Variants in GRIN1 observed in about 807,000 individuals in gnomAD.
GRIN1 encodes the protein glutamate ionotropic receptor NMDA type subunit 1, also known as glutamate receptor ionotropic, NMDA 1.
GRIN1 carries 38 observed loss-of-function variants against 103.0 expected under a neutral mutation model. The observed-to-expected ratio is 0.37, with a 90% CI of 0.28 to 0.48. The LOEUF (loss-of-function observed/expected upper bound fraction) is 0.48. Among genes scored for constraint, GRIN1 ranks in the 20% least tolerant of loss-of-function variants. GRIN1 has a pLI of 0.98. For missense variants in GRIN1, 577 were observed against 1,288.9 expected, an observed-to-expected ratio of 0.45 and a Z score of 8.46; for synonymous variants, 544 against 532.7, an observed-to-expected ratio of 1.02 and a Z score of -0.29.
At chr9:137,163,944 C>A in intron 18 of GRIN1, 40 bp downstream of exon 18, 1 of 1,606,576 alleles carries the variant, frequency 6.2e-7, no homozygotes, top group Non-Finnish European at 8.5e-7. Flanking sequence ...GCCCAGGGCC[C>A]GGCCTGGCCA....
At chr9:137,164,324 G>C (rs1833742986) in intron 18 of GRIN1, 2 of 311,284 alleles carry the variant, frequency 6.4e-6, no homozygotes, top group South Asian at 2.8e-5. Flanking sequence ...TTCCTGCTAT[G>C]TCCTTGTGCT....
chr9:137,149,078 C>G lies in GRIN1; in HGVS notation c.640C>G (p.Leu214Val). 1 of 1,612,684 alleles carries G rather than the reference C, an allele frequency of 6.2e-7. No individual in the cohort carries two copies. The highest frequency in any genetic ancestry group is 8.5e-7 in the Non-Finnish European group (1 of 1,179,128). ...VTALLMEAKELEARVIILSAS... is the reference protein window; with the variant it reads ...VTALLMEAKEVEARVIILSAS... ...GGCCCTGCTGATGGAGGCGAAAGAG[C>G]TGGAGGCCCGGGTCATCATCCTTTC... The change falls in exon 4 of 20, where the codon CTG becomes GTG. Residue 214 changes from leucine (L) to valine (V), a missense_variant. Physicochemically the swap from Leu to Val is conservative, Grantham distance 32. This residue lies in a region of GRIN1 where 308 missense variants were observed against 553.6 expected (regional missense o/e 0.56). Coordinates refer to ENST00000371561, the MANE Select transcript of GRIN1 (RefSeq NM_007327.4).
In GRIN1 at chr9:137,162,040, G is replaced by A. The variant is rs116006955; in HGVS notation, c.1584G>A (p.Glu528=). ...TINNERAQYI[E]FSKPFKYQGL... is the part of the protein sequence containing the mutation. Reference sequence around the variant, plus strand: ...ACAACGAGCGCGCGCAGTACATCGAGTTTTCCAAGCCCTTCAAGTACCAGG... The same window carrying A: ...ACAACGAGCGCGCGCAGTACATCGAATTTTCCAAGCCCTTCAAGTACCAGG... The change falls in exon 11 of 20, where the codon GAG becomes GAA. Residue 528 remains glutamate (E), a synonymous_variant. Transcript: ENST00000371561. 8.9e-4 allele frequency: 1,288 copies of A among 1,448,032 alleles called. 13 individuals carry two copies. The African/African-American group carries it at 0.017, about 19-fold the overall frequency. The allele number at this position is 1,448,032 out of a possible 1,614,324, so 89.7% of individuals were successfully genotyped here. A position where few individuals can be genotyped will look rare whatever the true frequency, so the allele number is the denominator to read the frequency against.
rs370626502 is a variant in GRIN1 at position 137,168,456 on chromosome 9, C to G, written c.*929C>G. On this transcript the variant is annotated 3_prime_UTR_variant, in exon 20 of 20. Coordinates refer to ENST00000371561, the MANE Select transcript of GRIN1 (RefSeq NM_007327.4). The stretch of plus-strand genomic sequence containing the variant: ...CTGAGCCCCTCCTCTCCTCGTCCGG[C>G]CTGCAGCCCAGAACGGGCCTCCCCG... The G allele has an allele frequency of 6.4e-5, 12 of 188,884 alleles. No individual in the cohort carries two copies. The highest frequency in any genetic ancestry group is 2.1e-4 in the African/African-American group (9 of 42,532). 11.7% of individuals were successfully genotyped at this position (188,884 alleles called of 1,614,324 possible).
intron 1 of GRIN1, among the ~76,000 whole-genome samples, chr9:137,140,089 C>T (rs981499323): frequency 4.6e-5 from 7 of 152,294 alleles, no homozygotes; most frequent in Admixed American, 3.3e-4. Context: ...CAGCTACATG[C>T]CCGCCCTGCA....
intron 18 of GRIN1, chr9:137,164,201 A>G (rs1275313132): frequency 4.2e-6 from 2 of 471,768 alleles, no homozygotes; most frequent in Admixed American, 6.7e-5. Flanking sequence ...TTCCATAGGA[A>G]GGCAATCAGG....
In GRIN1 at chr9:137,163,268, C is replaced by T. The variant is rs777511816; in HGVS notation, c.2271C>T (p.Gly757=). The change falls in exon 16 of 20, where the codon GGC becomes GGT. Residue 757 remains glycine, a synonymous_variant. Coordinates refer to ENST00000371561, the MANE Select transcript of GRIN1 (RefSeq NM_007327.4). ...CTGGAGAGCTGTTTTTCCGCTCGGG[C>T]TTCGGCATAGGCATGCGCAAAGACA... ...VTTGELFFRS[G]FGIGMRKDSP... 2 of 1,613,810 alleles carry T rather than the reference C, an allele frequency of 1.2e-6. No individual in the cohort carries two copies. The highest frequency in any genetic ancestry group is 1.6e-4 in the Middle Eastern group (1 of 6,062).
chr9:137,139,706 A>G lies in GRIN1; in HGVS notation c.220A>G (p.Met74Val). The G allele has an allele frequency of 1.9e-6, 3 of 1,613,864 alleles. No individual in the cohort carries two copies. The highest frequency in any genetic ancestry group is 2.5e-6 in the Non-Finnish European group (3 of 1,179,962). Residue 74 changes from methionine (M) to valine (V), a missense_variant, in exon 1 of 20, where the codon ATG becomes GTG. Physicochemically the swap from Met to Val is conservative, Grantham distance 21 (BLOSUM62 1). Around this residue, in one of 9 missense-constraint regions of GRIN1, gnomAD observed 308 missense variants for 553.6 expected, o/e 0.56. Coordinates refer to ENST00000371561, the MANE Select transcript of GRIN1 (RefSeq NM_007327.4). This position sits in a 1 kb window ranked among gnomAD's most constrained non-coding sequence, Gnocchi z 7.7. ...CACGCACAAGCCCAACGCCATCCAG[A>G]TGGCTCTGTCGGTGTGCGAGGACCT... Reference protein sequence around the residue: ...SVTHKPNAIQMALSVCEDLIS... With the variant: ...SVTHKPNAIQVALSVCEDLIS...
chr9:137,165,149 C>A, intron 18 of GRIN1, 37 bp from the exon 19 acceptor site: 1 of 1,438,392 alleles, frequency 7.0e-7, no homozygotes, highest in Non-Finnish European at 9.8e-7. Context: ...GTGGCCACCA[C>A]CCTAGCCATC....
At chr9:137,155,788 C>T (rs1405494367) in intron 4 of GRIN1, among the ~76,000 whole-genome samples, 3 of 152,218 alleles carry the variant, frequency 2.0e-5, no homozygotes. Flanking sequence ...CCACAGGGGC[C>T]CACCTGCAAG....
intron 8 of GRIN1, 27 bp from the exon 9 acceptor site, chr9:137,161,029 C>CA: frequency 6.2e-7 from 1 of 1,612,202 alleles, no homozygotes; most frequent in Non-Finnish European, 8.5e-7. Context: ...GTCGGTGGTC[C>CA]AGGCTGGGTC....
At position 137,157,110 on chromosome 9, in the gene GRIN1, G is replaced by A. The variant is rs1276110304; in HGVS notation, c.968+73G>A. 3.8e-6 allele frequency: 5 copies of A among 1,315,636 alleles called. No homozygotes were observed. In the Admixed American group the frequency reaches 8.2e-5, roughly 22 times the overall value. 81.5% of individuals were successfully genotyped at this position (1,315,636 alleles called of 1,614,324 possible). ...GGGCGGGGTCACTCCAGAGATGGGC[G>A]GGGCCGCTCTTGGGGAGGTGGGCGG... On this transcript the variant is annotated intron_variant, in intron 6 of 19. Coordinates refer to ENST00000371561, the MANE Select transcript of GRIN1 (RefSeq NM_007327.4).
chr9:137,147,542 T>C (rs1210263845), intron 3 of GRIN1, among the ~76,000 whole-genome samples: 1 of 152,146 alleles, frequency 6.6e-6, no homozygotes, highest in African/African-American at 2.4e-5. Context: ...CATCTGGCCC[T>C]TCCCCAACCT....
chr9:137,140,777 C>T (rs559540765), intron 1 of GRIN1, among the ~76,000 whole-genome samples: 1 of 152,362 alleles, frequency 6.6e-6, no homozygotes, highest in South Asian at 2.1e-4. Context: ...CACACACGGA[C>T]CTACGGGTCT....
chr9:137,158,421 C>A lies in GRIN1; in HGVS notation c.1011C>A (p.Arg337=), dbSNP rs138950430. 1.6e-5 allele frequency: 26 copies of A among 1,613,386 alleles called. No individual in the cohort carries two copies. In the African/African-American group the frequency reaches 3.1e-4, roughly 19 times the overall value. The change falls in exon 7 of 20, where the codon CGC becomes CGA. Residue 337 remains arginine (R), a synonymous_variant. Transcript: ENST00000371561. ...AGTATGCGGATGGGGTGACTGGTCG[C>A]GTGGAGTTCAATGAGGATGGGGACC... ...SSKYADGVTG[R]VEFNEDGDRK...
At chr9:137,158,820 G>A in intron 8 of GRIN1, 116 bp downstream of exon 8, 1 of 786,944 alleles carries the variant, frequency 1.3e-6, no homozygotes, top group Non-Finnish European at 2.2e-6. Context: ...GGAAGTGGGG[G>A]TGGGGCCTGC....
chr9:137,158,780 G>T (rs1224524821), intron 8 of GRIN1, 76 bp downstream of exon 8: 1 of 1,077,210 alleles, frequency 9.3e-7, no homozygotes, highest in Non-Finnish European at 1.4e-6. Flanking sequence ...GAAGGAGGAG[G>T]GTGCGGTGAG....
Position 137,139,684 on chromosome 9 carries a change from G to A in GRIN1, c.198G>A (p.Thr66=), listed in dbSNP as rs1450115619. Residue 66 remains threonine (T), a synonymous_variant, in exon 1 of 20, where the codon ACG becomes ACA. Coordinates refer to ENST00000371561, the MANE Select transcript of GRIN1 (RefSeq NM_007327.4). This position sits in a 1 kb window ranked among gnomAD's most constrained non-coding sequence, Gnocchi z 7.7. ...TTCAGCTCAATGCCACCTCCGTCACGCACAAGCCCAACGCCATCCAGATGG... is the reference window on the plus strand; with the variant it reads ...TTCAGCTCAATGCCACCTCCGTCACACACAAGCCCAACGCCATCCAGATGG... ...WKIQLNATSV[T]HKPNAIQMAL... 6.2e-7 allele frequency: 1 copy of A among 1,613,730 alleles called. No homozygotes were observed.
At position 137,163,554 on chromosome 9, in the gene GRIN1, G is replaced by T. The variant is rs1239067126; in HGVS notation, c.2334-5G>T. On this transcript the variant is annotated splice_polypyrimidine_tract_variant and splice_region_variant and intron_variant, in intron 16 of 19. Coordinates refer to ENST00000371561, the MANE Select transcript of GRIN1 (RefSeq NM_007327.4). ...CACTGCAGGCTCACTTGTTCCCACC[G>T]CCAGGTCCCACGAGAATGGCTTCAT... 1.9e-6 allele frequency: 3 copies of T among 1,589,268 alleles called. No homozygotes were observed. The highest frequency in any genetic ancestry group is 2.6e-6 in the Non-Finnish European group (3 of 1,162,010).
Sources: gnomAD v4.1 joint callset for allele counts (sites outside exome capture counted in the v4.1 genomes callset) on GRCh38, gnomAD v4.1.1 for gene constraint, gnomAD v4.1.1 regional missense constraint, Gnocchi (gnomAD v3.1) non-coding constraint, MANE v1.5 for transcripts, NCBI Gene and HGNC (gene_info 2026-07-23, HGNC 2026-07-21) for gene names.